Variants in TRPS1 observed in about 807,000 individuals in gnomAD.
The protein encoded by TRPS1 is transcriptional repressor GATA binding 1.
TRPS1 carries 6 observed loss-of-function variants against 101.2 expected under a neutral mutation model. The observed-to-expected ratio is 0.06, with a 90% CI of 0.03 to 0.12. The LOEUF (loss-of-function observed/expected upper bound fraction) is 0.12. Ranked by LOEUF, TRPS1 falls within the 10% of genes least tolerant of loss-of-function variation. The pLI is 1.00. For missense variants in TRPS1, 1,363 were observed against 1,567.0 expected (o/e 0.87, Z 2.20); for synonymous variants, 578 against 589.8 (o/e 0.98, Z 0.29).
chr8:115,452,859 A>G (rs1157247132), intron 5 of TRPS1, among the ~76,000 whole-genome samples: 1 of 152,194 alleles, frequency 6.6e-6, no homozygotes, highest in East Asian at 1.9e-4. Flanking sequence ...CAAGAGCCTG[A>G]CATATAAAAT....
At chr8:115,550,046 T>A (rs1242771521) in intron 5 of TRPS1, among the ~76,000 whole-genome samples, 1 of 152,048 alleles carries the variant, frequency 6.6e-6, no homozygotes, top group Non-Finnish European at 1.5e-5. Context: ...CGAAACCCCA[T>A]CTCTACTAAA....
chr8:115,508,209 T>C (rs1815494088), intron 5 of TRPS1, among the ~76,000 whole-genome samples: 1 of 152,136 alleles, frequency 6.6e-6, no homozygotes. Context: ...AAAGAACTTT[T>C]CACTCTGAAG....
At chr8:115,522,919 C>A (rs1295844952) in intron 5 of TRPS1, among the ~76,000 whole-genome samples, 2 of 152,024 alleles carry the variant, frequency 1.3e-5, no homozygotes, top group African/African-American at 4.8e-5. Flanking sequence ...GTTCTTGATT[C>A]TGAAAGATCT....
chr8:115,517,410 T>A (rs1275524205), intron 5 of TRPS1, among the ~76,000 whole-genome samples: 4 of 151,438 alleles, frequency 2.6e-5, no homozygotes, highest in African/African-American at 7.3e-5. Context: ...GGGAACTTAT[T>A]CCTCATGCAA....
chr8:115,541,206 T>G (rs1816444339), intron 5 of TRPS1, among the ~76,000 whole-genome samples: 1 of 152,190 alleles, frequency 6.6e-6, no homozygotes, highest in South Asian at 2.1e-4. Context: ...CAGCATGCTG[T>G]GGACATCAGA....
intron 5 of TRPS1, among the ~76,000 whole-genome samples, chr8:115,422,240 T>C (rs1292714857): frequency 1.4e-4 from 21 of 152,230 alleles, no homozygotes; most frequent in Non-Finnish European, 8.8e-5. Context: ...AAAGTAGTGT[T>C]TGTTTTCTTA....
At chr8:115,550,633 T>C (rs895568094) in intron 5 of TRPS1, among the ~76,000 whole-genome samples, 6 of 152,224 alleles carry the variant, frequency 3.9e-5, no homozygotes, top group African/African-American at 1.4e-4. Context: ...GGAAATCTTC[T>C]ACCAAGCCAG....
chr8:115,423,223 C>A (rs1290330093), intron 5 of TRPS1, among the ~76,000 whole-genome samples: 2 of 152,178 alleles, frequency 1.3e-5, no homozygotes, highest in African/African-American at 4.8e-5. Flanking sequence ...GTTTGCTTTT[C>A]TTTTAATGCT....
intron 5 of TRPS1, among the ~76,000 whole-genome samples, chr8:115,542,788 A>G (rs1219050174): frequency 6.6e-6 from 1 of 152,160 alleles, no homozygotes; most frequent in Non-Finnish European, 1.5e-5. Context: ...TTTGAAGATG[A>G]AACGGGTTAT....
intron 5 of TRPS1, among the ~76,000 whole-genome samples, chr8:115,533,463 G>GA (rs1229554346): frequency 1.0e-4 from 2 of 19,928 alleles, no homozygotes; most frequent in Non-Finnish European, 1.9e-4. Context: ...TTTTTTTCCT[G>GA]AAAAAAATCA....
Position 115,619,357 on chromosome 8 carries a change from G to A in TRPS1, c.741C>T (p.Asn247=), listed in dbSNP as rs577432775. 40 of 1,614,158 alleles carry A rather than the reference G, an allele frequency of 2.5e-5. No individual in the cohort carries two copies. Among genetic ancestry groups the A allele is most frequent in the African/African-American group, 9.3e-5 (7 of 75,024 alleles). ...AGTGCTTAATCAGATCTGTGGGGTCGTTGCCGTAGTAACCATATCCACAGA... is the reference window on the plus strand; with the variant it reads ...AGTGCTTAATCAGATCTGTGGGGTCATTGCCGTAGTAACCATATCCACAGA... ...CNICGYGYYG[N]DPTDLIKHFR... is the part of the protein sequence containing the mutation. Residue 247 remains asparagine (N), a synonymous_variant, in exon 3 of 7, where the codon AAC becomes AAT. Coordinates refer to ENST00000395715, the MANE Select transcript of TRPS1 (RefSeq NM_014112.5).
At chr8:115,494,740 T>C (rs1051466747) in intron 5 of TRPS1, among the ~76,000 whole-genome samples, 1 of 152,240 alleles carries the variant, frequency 6.6e-6, no homozygotes, top group African/African-American at 2.4e-5. Flanking sequence ...TGATGAATTA[T>C]AATGACCTAA....
At chr8:115,571,261 C>A (rs1817196855) in intron 5 of TRPS1, among the ~76,000 whole-genome samples, 1 of 152,152 alleles carries the variant, frequency 6.6e-6, no homozygotes, top group African/African-American at 2.4e-5. Context: ...CATCTTCAGA[C>A]AATTTTCAAA....
intron 2 of TRPS1, among the ~76,000 whole-genome samples, chr8:115,622,084 G>A (rs1218832311): frequency 6.6e-6 from 1 of 152,120 alleles, no homozygotes; most frequent in African/African-American, 2.4e-5. Flanking sequence ...TTGGCGTTGA[G>A]GCAATGTAAA....
chr8:115,435,943 G>A (rs976298320), intron 5 of TRPS1, among the ~76,000 whole-genome samples: 6 of 150,180 alleles, frequency 4.0e-5, no homozygotes, highest in East Asian at 2.0e-4. Context: ...GACATGTCTC[G>A]ATACTAGGAT....
chr8:115,471,942 G>C (rs992302057), intron 5 of TRPS1, among the ~76,000 whole-genome samples: 2 of 152,228 alleles, frequency 1.3e-5, no homozygotes, highest in Non-Finnish European at 2.9e-5. Flanking sequence ...GTGGTTTGCA[G>C]GGTACAGCTC....
At chr8:115,454,954 T>C (rs943343280) in intron 5 of TRPS1, among the ~76,000 whole-genome samples, 3 of 152,242 alleles carry the variant, frequency 2.0e-5, no homozygotes, top group African/African-American at 7.2e-5. Context: ...ATGTGGATTT[T>C]GTTTTTCTTT....
chr8:115,598,312 C>T (rs1216371598), intron 4 of TRPS1, among the ~76,000 whole-genome samples: 2 of 152,102 alleles, frequency 1.3e-5, no homozygotes, highest in African/African-American at 4.8e-5. Context: ...ATTTTCCCTT[C>T]AAACTTACAT....
intron 4 of TRPS1, among the ~76,000 whole-genome samples, chr8:115,589,022 G>A (rs573358735): frequency 2.0e-5 from 3 of 152,274 alleles, no homozygotes; most frequent in South Asian, 2.1e-4. Context: ...AAAGGGCTGC[G>A]TAGGTAATCA....
Sources: gnomAD v4.1 joint callset for allele counts (sites outside exome capture counted in the v4.1 genomes callset) on GRCh38, gnomAD v4.1.1 for gene constraint, MANE v1.5 for transcripts, NCBI Gene and HGNC (gene_info 2026-07-23, HGNC 2026-07-21) for gene names.